CHCHD6: variants seen among roughly 807,000 people sequenced by gnomAD.
CHCHD6 encodes the protein coiled-coil-helix-coiled-coil-helix domain containing 6, also known as MICOS complex subunit MIC25.
Under a neutral mutation model 32.3 loss-of-function variants are expected in CHCHD6, and 28 were observed. The ratio of observed to expected loss-of-function variants is 0.87; its 90% CI spans 0.64 to 1.19. The LOEUF is 1.19. Ranked by LOEUF, CHCHD6 falls within the 50% of genes most tolerant of loss-of-function variation. The pLI, the probability that CHCHD6 is intolerant of heterozygous loss-of-function variation, is 0.00. For synonymous variants in CHCHD6, 122 were observed against 117.5 expected (o/e 1.04, Z -0.25); for missense variants, 333 against 307.0 (o/e 1.08, Z -0.63).
intron 4 of CHCHD6, among the ~76,000 whole-genome samples, chr3:126,833,299 C>T (rs1218027780): frequency 1.3e-5 from 2 of 152,230 alleles, no homozygotes; most frequent in African/African-American, 4.8e-5. Flanking sequence ...GCTCCAACCC[C>T]TTCAGGACAC....
intron 4 of CHCHD6, among the ~76,000 whole-genome samples, chr3:126,734,412 G>C (rs1316325575): frequency 6.6e-6 from 1 of 152,198 alleles, no homozygotes; most frequent in South Asian, 2.1e-4. Flanking sequence ...TGTAGAAGGG[G>C]GTTGAACACG....
intron 5 of CHCHD6, among the ~76,000 whole-genome samples, chr3:126,862,232 C>CTA (rs2107558677): frequency 7.9e-6 from 1 of 127,382 alleles, no homozygotes; most frequent in Non-Finnish European, 1.7e-5. Context: ...TCCTCCTCCT[C>CTA]CTCCATCACC....
At chr3:126,753,656 G>C (rs55781916) in intron 4 of CHCHD6, among the ~76,000 whole-genome samples, 20 of 152,280 alleles carry the variant, frequency 1.3e-4, no homozygotes, top group Non-Finnish European at 2.4e-4. Flanking sequence ...CCTTGCCCCT[G>C]TCTCTCTCTC....
At chr3:126,781,331 A>G (rs1018892383) in intron 4 of CHCHD6, among the ~76,000 whole-genome samples, 9 of 152,222 alleles carry the variant, frequency 5.9e-5, no homozygotes, top group African/African-American at 1.9e-4. Context: ...TTTCTAGCAC[A>G]AGAGTTAGAA....
chr3:126,808,918 G>T (rs778550518), intron 4 of CHCHD6, among the ~76,000 whole-genome samples: 114 of 151,950 alleles, frequency 7.5e-4, no homozygotes, highest in African/African-American at 2.7e-3. Context: ...GTTATTGTCC[G>T]CAAGCAAAAT....
chr3:126,959,983 T>C (rs770879114), intron 7 of CHCHD6, among the ~76,000 whole-genome samples: 52 of 152,254 alleles, frequency 3.4e-4, no homozygotes, highest in African/African-American at 1.1e-3. Flanking sequence ...GTCACTGTCG[T>C]GTGGAGTGAG....
At chr3:126,856,639 G>C in intron 5 of CHCHD6, among the ~76,000 whole-genome samples, 1 of 152,194 alleles carries the variant, frequency 6.6e-6, no homozygotes, top group Non-Finnish European at 1.5e-5. Context: ...CAGGTATTAT[G>C]GGGCTAAGGG....
intron 4 of CHCHD6, among the ~76,000 whole-genome samples, chr3:126,827,759 A>G (rs1028878267): frequency 2.0e-5 from 3 of 152,188 alleles, no homozygotes; most frequent in Non-Finnish European, 4.4e-5. Flanking sequence ...CTGTTAATTG[A>G]GCCTGGAAAG....
At chr3:126,931,804 C>G (rs1325621762) in intron 6 of CHCHD6, among the ~76,000 whole-genome samples, 1 of 152,176 alleles carries the variant, frequency 6.6e-6, no homozygotes, top group Non-Finnish European at 1.5e-5. Flanking sequence ...TTACAGGCCC[C>G]TGGTGTATTC....
intron 6 of CHCHD6, among the ~76,000 whole-genome samples, chr3:126,941,456 G>T (rs1056539052): frequency 6.6e-6 from 1 of 152,290 alleles, no homozygotes; most frequent in South Asian, 2.1e-4. Context: ...CTGCCTTGAT[G>T]ATCTTTTTGC....
At chr3:126,717,768 GGT>G (rs1553723716) in intron 1 of CHCHD6, among the ~76,000 whole-genome samples, 10 of 142,098 alleles carry the variant, frequency 7.0e-5, no homozygotes, top group Non-Finnish European at 1.2e-4. Flanking sequence ...AGTGCTGAGG[GGT>G]GTGTGTGTGT....
intron 1 of CHCHD6, among the ~76,000 whole-genome samples, chr3:126,704,979 C>G (rs1934406968): frequency 6.6e-6 from 1 of 152,194 alleles, no homozygotes; most frequent in Admixed American, 6.5e-5. Context: ...CTGCATCCCT[C>G]TGGGACTGCA....
At chr3:126,838,494 C>A (rs563365088) in intron 4 of CHCHD6, among the ~76,000 whole-genome samples, 28 of 152,182 alleles carry the variant, frequency 1.8e-4, no homozygotes, top group Non-Finnish European at 3.7e-4. Context: ...TCAGCAGGAC[C>A]CATTTGATGT....
intron 6 of CHCHD6, among the ~76,000 whole-genome samples, chr3:126,931,323 G>A (rs962463193): frequency 2.0e-5 from 3 of 152,238 alleles, no homozygotes; most frequent in East Asian, 1.9e-4. Flanking sequence ...ACATGAAGGT[G>A]GAATTCGCAG....
At chr3:126,808,614 G>C (rs893766990) in intron 4 of CHCHD6, among the ~76,000 whole-genome samples, 2 of 152,152 alleles carry the variant, frequency 1.3e-5, no homozygotes, top group African/African-American at 4.8e-5. Context: ...AGGGTCCTGG[G>C]AATTTAACCA....
At chr3:126,743,791 T>C (rs1422071694) in intron 4 of CHCHD6, among the ~76,000 whole-genome samples, 1 of 152,188 alleles carries the variant, frequency 6.6e-6, no homozygotes, top group Non-Finnish European at 1.5e-5. Flanking sequence ...CCTGACTTCC[T>C]ACTTTGTTCT....
intron 4 of CHCHD6, among the ~76,000 whole-genome samples, chr3:126,804,935 A>G (rs1287971250): frequency 6.6e-6 from 1 of 152,138 alleles, no homozygotes; most frequent in African/African-American, 2.4e-5. Context: ...TATAAACAGA[A>G]CCAAAGACAA....
At chr3:126,896,336 T>C (rs979428803) in intron 5 of CHCHD6, among the ~76,000 whole-genome samples, 2 of 152,152 alleles carry the variant, frequency 1.3e-5, no homozygotes, top group African/African-American at 4.8e-5. Flanking sequence ...TTTAGTTAGA[T>C]TGGGGTAGTC....
At chr3:126,857,044 TTCC>T (rs1387043727) in intron 5 of CHCHD6, among the ~76,000 whole-genome samples, 1 of 152,180 alleles carries the variant, frequency 6.6e-6, no homozygotes, top group African/African-American at 2.4e-5. Context: ...TTCTGTCCTC[TTCC>T]TCCTCTTTAA....
Sources: allele counts gnomAD v4.1 joint callset (sites outside exome capture counted in the v4.1 genomes callset), GRCh38; gene constraint gnomAD v4.1.1; transcripts MANE v1.5; gene names NCBI Gene and HGNC (gene_info 2026-07-23, HGNC 2026-07-21).